The following CEACAM21 variants were observed in gnomAD, a reference collection of about 807,000 sequenced individuals.
CEACAM21 encodes cell adhesion molecule CEACAM21.
CEACAM21 carries 38 observed loss-of-function variants against 33.2 expected under a neutral mutation model. The observed-to-expected ratio is 1.14, with a 90% CI of 0.88 to 1.50. The LOEUF (loss-of-function observed/expected upper bound fraction) is 1.50, where lower values mean the gene tolerates loss of function less well. Ranked by LOEUF, CEACAM21 falls within the 40% of genes most tolerant of loss-of-function variation. The pLI, the probability that CEACAM21 is intolerant of heterozygous loss-of-function variation, is 0.00. For missense variants in CEACAM21, 385 were observed against 364.6 expected (o/e 1.06, Z -0.46); for synonymous variants, 156 against 143.0 (o/e 1.09, Z -0.65).
intron 1 of CEACAM21, chr19:41,555,322 T>A (rs1386637613): frequency 1.4e-5 from 2 of 143,224 alleles, no homozygotes; most frequent in Non-Finnish European, 3.0e-5. Context: ...TTTTTTTTTT[T>A]CTTTGCAAGG....
At chr19:41,562,000 C>A (rs965422640) in intron 1 of CEACAM21, among the ~76,000 whole-genome samples, 1 of 152,208 alleles carries the variant, frequency 6.6e-6, no homozygotes, top group Non-Finnish European at 1.5e-5. Flanking sequence ...AATCCCAACA[C>A]TTTGGGAGGC....
At position 41,586,517 on chromosome 19, in the gene CEACAM21, T is replaced by C; in HGVS notation, c.*54T>C. 1.6e-6 allele frequency: 1 copy of C among 632,180 alleles called. No homozygotes were observed. 39.2% of individuals were successfully genotyped at this position (632,180 alleles called of 1,614,324 possible). On this transcript the variant is annotated 3_prime_UTR_variant, in exon 7 of 7. Coordinates refer to ENST00000401445, the MANE Select transcript of CEACAM21 (RefSeq NM_001098506.4). ...ACTGCTGGATCGACCACAAAGCAGA[T>C]GTGGCTTCTTAGGTTCCTCTGGGAG...
chr19:41,567,043 G>GTT (rs1408526834), intron 2 of CEACAM21, among the ~76,000 whole-genome samples: 7 of 150,694 alleles, frequency 4.6e-5, no homozygotes, highest in African/African-American at 1.7e-4. Flanking sequence ...TTTTCATATT[G>GTT]TTTTCTCTCT....
intron 2 of CEACAM21, among the ~76,000 whole-genome samples, chr19:41,566,860 AT>A (rs1273666453): frequency 1.3e-5 from 2 of 151,992 alleles, no homozygotes; most frequent in African/African-American, 2.4e-5. Context: ...CATAATATCC[AT>A]TTTTTCATGA....
intron 3 of CEACAM21, among the ~76,000 whole-genome samples, chr19:41,582,399 G>A (rs1265264157): frequency 6.6e-6 from 1 of 152,166 alleles, no homozygotes; most frequent in Admixed American, 6.5e-5. Context: ...GGAGGATTGT[G>A]GTCTTCTTCT....
Position 41,579,703 on chromosome 19 carries a change from C to T in CEACAM21, c.700+75C>T. On this transcript the variant is annotated intron_variant, in intron 3 of 6. Coordinates refer to ENST00000401445, the MANE Select transcript of CEACAM21 (RefSeq NM_001098506.4). ...GAGGGAGGGGGGGTGTAAAATGATA[C>T]ACGGAATGAGAAGGATGAGATTCCT... 3.8e-6 allele frequency: 4 copies of T among 1,050,874 alleles called. No homozygotes were observed. The South Asian group carries it at 6.6e-5, about 17-fold the overall frequency. 65.1% of individuals were successfully genotyped at this position (1,050,874 alleles called of 1,614,324 possible).
intron 1 of CEACAM21, 89 bp downstream of exon 1, chr19:41,576,427 G>T: frequency 7.3e-7 from 1 of 1,377,702 alleles, no homozygotes. Context: ...TCTGAGAGGA[G>T]ACAGAGGGCT....
intron 1 of CEACAM21, among the ~76,000 whole-genome samples, chr19:41,553,107 C>T (rs782743935): frequency 6.6e-6 from 1 of 151,944 alleles, no homozygotes; most frequent in African/African-American, 2.4e-5. Context: ...CATAACTTCC[C>T]TCTCTCCAGT....
chr19:41,559,763 T>G (rs371854698), intron 1 of CEACAM21, among the ~76,000 whole-genome samples: 3 of 152,258 alleles, frequency 2.0e-5, no homozygotes, highest in East Asian at 3.9e-4. Flanking sequence ...CATTAAACAT[T>G]AGATAAAATG....
chr19:41,582,565 G>A (rs2043489025), intron 3 of CEACAM21, among the ~76,000 whole-genome samples: 1 of 152,336 alleles, frequency 6.6e-6, no homozygotes, highest in Admixed American at 6.5e-5. Flanking sequence ...TACATCCTCT[G>A]AAATCTAGGC....
At chr19:41,576,365 G>C in intron 1 of CEACAM21, 27 bp downstream of exon 1, 1 of 1,598,248 alleles carries the variant, frequency 6.3e-7, no homozygotes, top group Non-Finnish European at 8.5e-7. Flanking sequence ...CTGGGAGTGG[G>C]TGGGAGGAGG....
chr19:41,577,092 C>T, intron 1 of CEACAM21, 108 bp from the exon 2 acceptor site: 1 of 1,278,044 alleles, frequency 7.8e-7, no homozygotes, highest in South Asian at 1.3e-5. Context: ...CACACACACA[C>T]ACACACACCC....
At chr19:41,584,297 T>C (rs781942727) in intron 3 of CEACAM21, 50 bp from the exon 4 acceptor site, 21 of 1,520,216 alleles carry the variant, frequency 1.4e-5, no homozygotes, top group Non-Finnish European at 1.1e-5. Context: ...CCCCTCATGG[T>C]TCCCCCTGGA....
At chr19:41,550,840 G>A (rs1385173119) in intron 1 of CEACAM21, 7 of 152,128 alleles carry the variant, frequency 4.6e-5, no homozygotes, top group African/African-American at 1.7e-4. Flanking sequence ...AAATCTTCAT[G>A]AGAACAAATT....
At chr19:41,585,763 G>A in intron 5 of CEACAM21, 77 bp from the exon 6 acceptor site, 1 of 1,446,698 alleles carries the variant, frequency 6.9e-7, no homozygotes, top group South Asian at 1.2e-5. Context: ...TCTAAGAACT[G>A]AGGACCCCCA....
intron 2 of CEACAM21, among the ~76,000 whole-genome samples, chr19:41,568,685 A>G (rs1442084390): frequency 6.6e-6 from 1 of 152,202 alleles, no homozygotes; most frequent in African/African-American, 2.4e-5. Flanking sequence ...TTTGGTTACT[A>G]TAGCTTTGCA....
chr19:41,565,853 G>T (rs1005022974), intron 2 of CEACAM21, among the ~76,000 whole-genome samples: 4 of 151,666 alleles, frequency 2.6e-5, no homozygotes, highest in Non-Finnish European at 4.4e-5. Context: ...GATATCAAGT[G>T]TAGGCAAGTT....
upstream of CEACAM21, among the ~76,000 whole-genome samples, chr19:41,573,593 A>G (rs1210317364): frequency 2.0e-5 from 3 of 152,230 alleles, no homozygotes; most frequent in African/African-American, 7.2e-5. Context: ...GACAAATAAA[A>G]GAGTAAGCAT....
At chr19:41,570,188 C>T (rs2042512828) in intron 2 of CEACAM21, among the ~76,000 whole-genome samples, 1 of 152,166 alleles carries the variant, frequency 6.6e-6, no homozygotes, top group South Asian at 2.1e-4. Flanking sequence ...ACACAGGACT[C>T]AGGATTTCAG....
Sources: allele counts gnomAD v4.1 joint callset (sites outside exome capture counted in the v4.1 genomes callset), GRCh38; gene constraint gnomAD v4.1.1; transcripts MANE v1.5; gene names NCBI Gene and HGNC (gene_info 2026-07-23, HGNC 2026-07-21).